TNNI3K: variants seen among roughly 807,000 people sequenced by gnomAD.
TNNI3K encodes serine/threonine-protein kinase TNNI3K.
In TNNI3K, 140 loss-of-function variants were observed where a neutral mutation model predicts 114.5. The observed-to-expected ratio is 1.22, with a 90% CI of 1.07 to 1.41. The LOEUF (loss-of-function observed/expected upper bound fraction) is 1.41, where lower values mean the gene tolerates loss of function less well. Ranked by LOEUF, TNNI3K falls within the 40% of genes most tolerant of loss-of-function variation. TNNI3K has a pLI of 0.00. For synonymous variants in TNNI3K, 347 were observed against 347.5 expected (o/e 1.00, Z 0.02); for missense variants, 1,125 against 1,007.6 (o/e 1.12, Z -1.58).
intron 6 of TNNI3K, among the ~76,000 whole-genome samples, chr1:74,334,516 CTT>C (rs897492230): frequency 7.9e-5 from 12 of 152,260 alleles, no homozygotes; most frequent in East Asian, 3.9e-4. Context: ...ACTGAGGTGA[CTT>C]TTGAAATTCT....
intron 20 of TNNI3K, among the ~76,000 whole-genome samples, chr1:74,443,087 A>C (rs910795073): frequency 6.6e-6 from 1 of 152,078 alleles, no homozygotes; most frequent in Non-Finnish European, 1.5e-5. Context: ...CATCCTAACA[A>C]TTACAACAAA....
At chr1:74,472,294 C>T in intron 21 of TNNI3K, 1 of 639,278 alleles carries the variant, frequency 1.6e-6, no homozygotes, top group Admixed American at 2.6e-5. Flanking sequence ...AAGTATAAAA[C>T]TGACTCCTCT....
chr1:74,424,074 ATAGAT>A (rs148208331), intron 17 of TNNI3K, among the ~76,000 whole-genome samples: 94,536 of 151,252 alleles, frequency 0.63, 33,109 homozygotes, highest in East Asian at 0.81. Flanking sequence ...ACACATTAGA[ATAGAT>A]AAGAAAATAG....
intron 17 of TNNI3K, among the ~76,000 whole-genome samples, chr1:74,394,891 A>G (rs1012774492): frequency 5.9e-5 from 9 of 151,882 alleles, no homozygotes; most frequent in Non-Finnish European, 1.0e-4. Flanking sequence ...AAAAATACAA[A>G]CAATTAGCCA....
At chr1:74,479,749 C>T (rs980858963) in intron 21 of TNNI3K, among the ~76,000 whole-genome samples, 4 of 152,174 alleles carry the variant, frequency 2.6e-5, no homozygotes, top group African/African-American at 9.7e-5. Context: ...AGTCTATGTC[C>T]CATCAGTTTT....
At chr1:74,355,471 G>T (rs1156864949) in intron 11 of TNNI3K, among the ~76,000 whole-genome samples, 1 of 152,114 alleles carries the variant, frequency 6.6e-6, no homozygotes, top group East Asian at 1.9e-4. Flanking sequence ...GGGTGTGGTG[G>T]CAGATGCCTG....
At chr1:74,450,157 T>C (rs1347388732) in intron 20 of TNNI3K, among the ~76,000 whole-genome samples, 4 of 148,110 alleles carry the variant, frequency 2.7e-5, no homozygotes, top group Non-Finnish European at 5.9e-5. Flanking sequence ...GAATGACTAC[T>C]GGGTACATAA....
chr1:74,350,237 G>A (rs1271008092), intron 9 of TNNI3K, among the ~76,000 whole-genome samples: 1 of 152,170 alleles, frequency 6.6e-6, no homozygotes, highest in East Asian at 1.9e-4. Context: ...TTACCCAGTA[G>A]TCATTCAGGA....
intron 4 of TNNI3K, among the ~76,000 whole-genome samples, chr1:74,265,792 A>G (rs188888472): frequency 1.2e-3 from 168 of 141,982 alleles, no homozygotes; most frequent in African/African-American, 4.3e-3. Context: ...GTTAAGAAAC[A>G]TGTCGCAAAT....
At chr1:74,316,856 AT>A (rs60524669) in intron 5 of TNNI3K, among the ~76,000 whole-genome samples, 1,766 of 143,020 alleles carry the variant, frequency 0.012, 28 homozygotes, top group African/African-American at 0.036. Flanking sequence ...CGCCCAGCTA[AT>A]TTTTTTTTTT....
intron 20 of TNNI3K, among the ~76,000 whole-genome samples, chr1:74,454,652 T>C (rs935345056): frequency 6.6e-6 from 1 of 152,246 alleles, no homozygotes; most frequent in Admixed American, 6.5e-5. Flanking sequence ...AAATCTTTAC[T>C]ATTGTTAATT....
rs474324 is a variant in TNNI3K at position 74,252,894 on chromosome 1, G to A, written c.333+2125G>A. ...TTCCAAAGTGTGGAGGGGCACCCGAGTGGGTTGCCACTGCTTGTTCAGGCA... is the reference window on the plus strand; with the variant it reads ...TTCCAAAGTGTGGAGGGGCACCCGAATGGGTTGCCACTGCTTGTTCAGGCA... On this transcript the variant is annotated intron_variant, in intron 4 of 24. Coordinates refer to ENST00000326637, the MANE Select transcript of TNNI3K (RefSeq NM_015978.3). Among the ~76,000 whole-genome samples, 1,500 of 152,310 alleles carry A rather than the reference G, an allele frequency of 9.8e-3. 26 individuals are homozygous for A. Among genetic ancestry groups the A allele is most frequent in the African/African-American group, 0.033 (1,387 of 41,552 alleles).
chr1:74,288,859 C>A (rs530959942), intron 5 of TNNI3K, among the ~76,000 whole-genome samples: 1 of 152,036 alleles, frequency 6.6e-6, no homozygotes, highest in South Asian at 2.1e-4. Context: ...ATAAATCAGT[C>A]AAAGCATCAT....
At chr1:74,350,260 G>A (rs1205548497) in intron 9 of TNNI3K, among the ~76,000 whole-genome samples, 1 of 152,180 alleles carries the variant, frequency 6.6e-6, no homozygotes, top group Non-Finnish European at 1.5e-5. Flanking sequence ...AGGTTGTTCA[G>A]TTTCCATGTA....
intron 23 of TNNI3K, among the ~76,000 whole-genome samples, chr1:74,529,899 C>A (rs756476193): frequency 6.6e-6 from 1 of 152,118 alleles, no homozygotes; most frequent in Non-Finnish European, 1.5e-5. Context: ...ATTTTCTCTG[C>A]TTAGGGAGAG....
intron 5 of TNNI3K, among the ~76,000 whole-genome samples, chr1:74,285,029 G>T (rs2100265978): frequency 6.6e-6 from 1 of 152,262 alleles, no homozygotes; most frequent in South Asian, 2.1e-4. Context: ...CACATTTTTT[G>T]TTCAGAAATA....
intron 23 of TNNI3K, among the ~76,000 whole-genome samples, chr1:74,493,671 A>G (rs1054298228): frequency 6.6e-6 from 1 of 152,220 alleles, no homozygotes; most frequent in Non-Finnish European, 1.5e-5. Flanking sequence ...ACTCTGAACT[A>G]CAGATTGCGT....
intron 23 of TNNI3K, among the ~76,000 whole-genome samples, chr1:74,505,156 G>A (rs1669829891): frequency 6.6e-6 from 1 of 152,164 alleles, no homozygotes; most frequent in Admixed American, 6.5e-5. Flanking sequence ...TCCCGCCTTT[G>A]GCAGTTGCGT....
At chr1:74,388,234 C>T (rs749760799) in intron 17 of TNNI3K, among the ~76,000 whole-genome samples, 2 of 151,782 alleles carry the variant, frequency 1.3e-5, no homozygotes, top group Non-Finnish European at 2.9e-5. Flanking sequence ...GCCAAGATTG[C>T]ACCACTGCAC....
Sources: gnomAD v4.1 joint callset for allele counts (sites outside exome capture counted in the v4.1 genomes callset) on GRCh38, gnomAD v4.1.1 for gene constraint, MANE v1.5 for transcripts, NCBI Gene and HGNC (gene_info 2026-07-23, HGNC 2026-07-21) for gene names.